The following HPS1 variants were observed in gnomAD, a reference collection of about 807,000 sequenced individuals.
HPS1 encodes the protein BLOC-3 complex member HPS1.
Under a neutral mutation model 90.6 loss-of-function variants are expected in HPS1, and 59 were observed. That is an observed-to-expected ratio of 0.65 (90% CI 0.53 to 0.81). The LOEUF (loss-of-function observed/expected upper bound fraction) is 0.81. HPS1 is among the 30% of genes least tolerant of loss of function. The pLI is 0.00. For synonymous variants in HPS1, 388 were observed against 384.4 expected (o/e 1.01, Z -0.11); for missense variants, 849 against 896.7 (o/e 0.95, Z 0.68).
chr10:98,442,707 C>A (rs756279480), intron 3 of HPS1: 1 of 261,656 alleles, frequency 3.8e-6, no homozygotes. Flanking sequence ...AGGGTTTCGC[C>A]ATGCTGCCCA....
At chr10:98,439,923 G>T (rs1183612206) in intron 3 of HPS1, among the ~76,000 whole-genome samples, 1 of 152,130 alleles carries the variant, frequency 6.6e-6, no homozygotes, top group Non-Finnish European at 1.5e-5. Context: ...TGCTGTTCTT[G>T]TGACAGTGAG....
chr10:98,426,229 G>T, intron 11 of HPS1: 1 of 525,274 alleles, frequency 1.9e-6, no homozygotes, highest in South Asian at 2.2e-5. Flanking sequence ...CAGTGGGCAG[G>T]GGCAGAGGGG....
chr10:98,434,079 T>C lies in HPS1; in HGVS notation c.411A>G (p.Pro137=). 6.5e-7 allele frequency: 1 copy of C among 1,550,038 alleles called. No homozygotes were observed. The highest frequency in any genetic ancestry group is 8.7e-7 in the Non-Finnish European group (1 of 1,147,044). The part of the protein sequence containing the change: ...GHLIRKELRP[P]DLAQRVQLWE... The stretch of plus-strand genomic sequence containing the variant: ...ACAGCTGGACACGCTGCGCCAGGTC[T>C]GGGGGCCGCAGCCTGGGGGCAGAGC... The change falls in exon 6 of 20, where the codon CCA becomes CCG. Residue 137 remains proline, a synonymous_variant. Coordinates refer to ENST00000361490, the MANE Select transcript of HPS1 (RefSeq NM_000195.5).
At chr10:98,414,866 C>T, downstream of HPS1, 1 of 1,270,392 alleles carries the variant, frequency 7.9e-7, no homozygotes. Flanking sequence ...CATTGCAGCC[C>T]CTGCTAGCGT....
At chr10:98,414,996 T>G (rs1843955300), downstream of HPS1, 1 of 1,611,636 alleles carries the variant, frequency 6.2e-7, no homozygotes, top group Non-Finnish European at 8.5e-7. Context: ...CCCGGCCTGC[T>G]TTACCACTTT....
In HPS1 at chr10:98,425,723, G is replaced by A; in HGVS notation, c.1156-3C>T. The A allele has an allele frequency of 6.2e-7, 1 of 1,608,172 alleles. No homozygotes were observed. The highest frequency in any genetic ancestry group is 1.1e-5 in the South Asian group (1 of 90,776). On this transcript the variant is annotated splice_polypyrimidine_tract_variant and splice_region_variant and intron_variant, in intron 12 of 19. Coordinates refer to ENST00000361490, the MANE Select transcript of HPS1 (RefSeq NM_000195.5). ...AGGGCCAGGGGCGCGCTGGGGCTCT[G>A]AGGGTAAGGGCCGAGAGGCGGGTGA...
At chr10:98,439,833 T>C (rs1564869142) in intron 3 of HPS1, among the ~76,000 whole-genome samples, 1 of 152,160 alleles carries the variant, frequency 6.6e-6, no homozygotes, top group Non-Finnish European at 1.5e-5. Flanking sequence ...TGAATTGTAA[T>C]CCCCATAATC....
chr10:98,419,166 G>A (rs1036386932), intron 18 of HPS1, among the ~76,000 whole-genome samples: 1 of 151,916 alleles, frequency 6.6e-6, no homozygotes, highest in Non-Finnish European at 1.5e-5. Context: ...CCCAGTAACC[G>A]CCCTGCCCTA....
chr10:98,428,094 C>T (rs189743691), intron 10 of HPS1, among the ~76,000 whole-genome samples: 4 of 152,304 alleles, frequency 2.6e-5, no homozygotes, highest in Admixed American at 2.6e-4. Context: ...CAGAACTCTG[C>T]TTCTCAACAG....
At chr10:98,446,420 C>T (rs1159387108) in intron 1 of HPS1, among the ~76,000 whole-genome samples, 1 of 152,220 alleles carries the variant, frequency 6.6e-6, no homozygotes, top group Non-Finnish European at 1.5e-5. Flanking sequence ...CCTGGGGCGA[C>T]CCCCAGCGCC....
chr10:98,417,585 G>C lies in HPS1; in HGVS notation c.2082C>G (p.Ala694=), dbSNP rs1844257827. The C allele has an allele frequency of 6.2e-7, 1 of 1,611,676 alleles. No individual in the cohort carries two copies. Among genetic ancestry groups the C allele is most frequent in the South Asian group, 1.1e-5 (1 of 90,940 alleles). ...TGGCCTAGAGCAGGGGGATACGGGA[G>C]GCCTCCCAGAGGCGCCGGGCCAGCT... is the stretch of plus-strand genomic sequence containing the variant. ...AGQLARRLWE[A]SRIPLL The change falls in exon 20 of 20, where the codon GCC becomes GCG. Residue 694 remains alanine, a synonymous_variant. Transcript: ENST00000361490. This position sits in a 1 kb window ranked among gnomAD's most constrained non-coding sequence, Gnocchi z 4.2.
rs775117501 is a variant in HPS1, at chr10:98,425,709, C to A, written c.1167G>T (p.Ala389=). The change falls in exon 13 of 20, where the codon GCG becomes GCT. Residue 389 remains alanine, a synonymous_variant. Transcript: ENST00000361490. Reference sequence around the variant, plus strand: ...GCTGGGACAGAACCAGGGCCAGGGGCGCGCTGGGGCTCTGAGGGTAAGGGC... The same window carrying A: ...GCTGGGACAGAACCAGGGCCAGGGGAGCGCTGGGGCTCTGAGGGTAAGGGC... ...NLVLLTRSPS[A]PLALVLSQLM... 1.9e-6 allele frequency: 3 copies of A among 1,609,258 alleles called. No individual in the cohort carries two copies. The highest frequency in any genetic ancestry group is 2.2e-5 in the East Asian group (1 of 44,780).
At position 98,442,964 on chromosome 10, in the gene HPS1, G is replaced by A. The variant is rs560192648; in HGVS notation, c.117+160C>T. 3.6e-4 allele frequency: 261 copies of A among 726,816 alleles called. 1 individual carries two copies. The highest frequency in any genetic ancestry group is 1.0e-3 in the Admixed American group (55 of 54,696). 45.0% of individuals were successfully genotyped at this position (726,816 alleles called of 1,614,324 possible). A position where few individuals can be genotyped will look rare whatever the true frequency, so the allele number is the denominator to read the frequency against. On this transcript the variant is annotated intron_variant, in intron 3 of 19. Coordinates refer to ENST00000361490, the MANE Select transcript of HPS1 (RefSeq NM_000195.5). The stretch of plus-strand genomic sequence containing the variant: ...AGAGCATCAAGAGGCCAACCTTGAG[G>A]ATAAGGGTCTAGGTGTGAAGGATGC...
intron 13 of HPS1, 31 bp downstream of exon 13, chr10:98,425,510 C>T (rs761212399): frequency 1.9e-6 from 3 of 1,593,022 alleles, no homozygotes; most frequent in South Asian, 1.1e-5. Flanking sequence ...GCCTCTTCCC[C>T]AGGTGGGGAG....
chr10:98,420,307 C>G (rs79579720), intron 17 of HPS1, 149 bp from the exon 18 acceptor site: 1 of 690,504 alleles, frequency 1.4e-6, no homozygotes, highest in Non-Finnish European at 2.7e-6. Context: ...TGGCTCAGAG[C>G]AGGAGGCTCA....
chr10:98,427,341 G>T lies in HPS1; in HGVS notation c.938-77C>A. 4 of 1,282,756 alleles carry T rather than the reference G, an allele frequency of 3.1e-6. No individual in the cohort carries two copies. The South Asian group carries it at 3.8e-5, about 12-fold the overall frequency. 79.5% of individuals were successfully genotyped at this position (1,282,756 alleles called of 1,614,324 possible). ...AATGGCTCAACAGCATGGGGTAGGGGGCCCAGGTGCCCCCCACAACCTCAG... is the reference window on the plus strand; with the variant it reads ...AATGGCTCAACAGCATGGGGTAGGGTGCCCAGGTGCCCCCCACAACCTCAG... On this transcript the variant is annotated intron_variant, in intron 10 of 19. Transcript: ENST00000361490.
intron 17 of HPS1, chr10:98,420,428 A>G: frequency 2.4e-6 from 1 of 410,640 alleles, no homozygotes; most frequent in East Asian, 5.5e-5. Context: ...TAAATTAGTG[A>G]ACTGGGCTAG....
chr10:98,425,664 C>G lies in HPS1; in HGVS notation c.1212G>C (p.Met404Ile). The change falls in exon 13 of 20, where the codon ATG (methionine) becomes ATC (isoleucine). Residue 404 changes from methionine to isoleucine, a missense_variant. Coordinates refer to ENST00000361490, the MANE Select transcript of HPS1 (RefSeq NM_000195.5). ...VLSQLMDGFS[M>I]LEKKLKEGPE... is the part of the protein sequence containing the mutation. ...GCCCTTCCTTCAGCTTCTTCTCCAGCATGGAGAAGCCATCCATCAGCTGGG... is the reference window on the plus strand; with the variant it reads ...GCCCTTCCTTCAGCTTCTTCTCCAGGATGGAGAAGCCATCCATCAGCTGGG... 8.1e-6 allele frequency: 13 copies of G among 1,613,544 alleles called. No homozygotes were observed. The highest frequency in any genetic ancestry group is 1.1e-5 in the Non-Finnish European group (13 of 1,179,896).
At chr10:98,439,258 A>T (rs748303317) in intron 3 of HPS1, among the ~76,000 whole-genome samples, 1 of 152,152 alleles carries the variant, frequency 6.6e-6, no homozygotes, top group Non-Finnish European at 1.5e-5. Flanking sequence ...GAATAGGGCC[A>T]TCATCCTCTA....
Sources: allele counts gnomAD v4.1 joint callset (sites outside exome capture counted in the v4.1 genomes callset), GRCh38; gene constraint gnomAD v4.1.1; non-coding constraint Gnocchi (gnomAD v3.1); transcripts MANE v1.5; gene names NCBI Gene and HGNC (gene_info 2026-07-23, HGNC 2026-07-21).